RPRD2: variants seen among roughly 807,000 people sequenced by gnomAD.
RPRD2 encodes regulation of nuclear pre-mRNA domain-containing protein 2.
RPRD2 carries 12 observed loss-of-function variants against 104.4 expected under a neutral mutation model. The observed-to-expected ratio is 0.11, with a 90% CI of 0.07 to 0.19. The LOEUF is 0.19. Among genes scored for constraint, RPRD2 ranks in the 10% least tolerant of loss-of-function variants. The pLI is 1.00. For synonymous variants in RPRD2, 714 were observed against 684.9 expected, an observed-to-expected ratio of 1.04 and a Z score of -0.66; for missense variants, 1,543 against 1,790.1, an observed-to-expected ratio of 0.86 and a Z score of 2.49.
At chr1:150,376,117 A>G (rs1409517352) in intron 1 of RPRD2, among the ~76,000 whole-genome samples, 3 of 152,216 alleles carry the variant, frequency 2.0e-5, no homozygotes. Flanking sequence ...AAAATGCTTC[A>G]TTCTTATTCT....
intron 9 of RPRD2, among the ~76,000 whole-genome samples, chr1:150,462,701 G>A (rs9436115): frequency 0.31 from 47,306 of 151,852 alleles, 8,426 homozygotes; most frequent in Non-Finnish European, 0.4. Context: ...GACTACAGGT[G>A]CCTGCCACCA....
At chr1:150,409,293 C>T (rs1416841475) in intron 1 of RPRD2, among the ~76,000 whole-genome samples, 1 of 152,130 alleles carries the variant, frequency 6.6e-6, no homozygotes, top group Non-Finnish European at 1.5e-5. Flanking sequence ...CTCATTGTAC[C>T]TAGCCCCTAC....
intron 2 of RPRD2, among the ~76,000 whole-genome samples, chr1:150,439,578 A>T (rs1267225035): frequency 6.6e-6 from 1 of 151,220 alleles, no homozygotes; most frequent in Non-Finnish European, 1.5e-5. Context: ...ACATGATGTT[A>T]TGGATTCATA....
At chr1:150,420,240 C>G (rs1664667492) in intron 2 of RPRD2, among the ~76,000 whole-genome samples, 1 of 152,038 alleles carries the variant, frequency 6.6e-6, no homozygotes, top group Non-Finnish European at 1.5e-5. Flanking sequence ...TATACAGTTG[C>G]CAACCTTTTT....
intron 2 of RPRD2, among the ~76,000 whole-genome samples, chr1:150,420,561 C>G (rs1332634350): frequency 6.6e-6 from 1 of 152,210 alleles, no homozygotes; most frequent in Non-Finnish European, 1.5e-5. Context: ...TGCAGTGGCT[C>G]ATGCCTATAA....
At chr1:150,417,791 C>G in intron 2 of RPRD2, 66 bp downstream of exon 2, 2 of 1,235,036 alleles carry the variant, frequency 1.6e-6, no homozygotes, top group Admixed American at 2.6e-5. Context: ...GTTTCTTAAC[C>G]CATTAAGAAC....
chr1:150,462,899 G>A (rs1668030904), intron 9 of RPRD2, among the ~76,000 whole-genome samples: 3 of 152,100 alleles, frequency 2.0e-5, no homozygotes, highest in African/African-American at 7.2e-5. Flanking sequence ...CATCACCCAG[G>A]CTGGAGTGCA....
Position 150,474,826 on chromosome 1 carries a change from GAACT to G in RPRD2, c.*1498_*1501del, listed in dbSNP as rs1668809133. 6.6e-6 allele frequency: 1 copy of G among 152,094 alleles called. No individual in the cohort carries two copies. The allele number at this position is 152,094 out of a possible 1,614,324, so 9.4% of individuals were successfully genotyped here. A position where few individuals can be genotyped will look rare whatever the true frequency, so the allele number is the denominator to read the frequency against. On this transcript the variant is annotated 3_prime_UTR_variant, in exon 11 of 11. Coordinates refer to ENST00000369068, the MANE Select transcript of RPRD2 (RefSeq NM_015203.5). ...TCATATTTTCTTCCAAGTTAGTATA[GAACT>G]AACTATAGGAAGTATGGGGTTGCTT...
At chr1:150,376,574 C>T (rs950656557) in intron 1 of RPRD2, among the ~76,000 whole-genome samples, 1 of 151,246 alleles carries the variant, frequency 6.6e-6, no homozygotes, top group African/African-American at 2.4e-5. Context: ...CATCTCGGCT[C>T]ACTGCAAGCT....
At chr1:150,467,637 G>A (rs949846450) in intron 10 of RPRD2, among the ~76,000 whole-genome samples, 1 of 152,226 alleles carries the variant, frequency 6.6e-6, no homozygotes, top group East Asian at 1.9e-4. Context: ...ACCTCCCAAA[G>A]TGCTGGGATT....
In RPRD2 at chr1:150,473,579, A is replaced by AAAAAAAAAG. The variant is rs1668746750; in HGVS notation, c.*245_*246insAAAAAAAAG. 1 of 223,110 alleles carries AAAAAAAAAG rather than the reference A, an allele frequency of 4.5e-6. No individual in the cohort carries two copies. Among genetic ancestry groups the AAAAAAAAAG allele is most frequent in the Non-Finnish European group, 8.9e-6 (1 of 112,556 alleles). 13.8% of individuals were successfully genotyped at this position (223,110 alleles called of 1,614,324 possible). A position where few individuals can be genotyped will look rare whatever the true frequency, so the allele number is the denominator to read the frequency against. On this transcript the variant is annotated 3_prime_UTR_variant, in exon 11 of 11. Coordinates refer to ENST00000369068, the MANE Select transcript of RPRD2 (RefSeq NM_015203.5). Reference sequence around the variant, plus strand: ...ATTAAAAAAAAAAAAAAAAAAAAAAAGTAAAGAAACACAACCAAAGCCATT... The same window carrying AAAAAAAAAG: ...ATTAAAAAAAAAAAAAAAAAAAAAAAAAAAAAAAGGTAAAGAAACACAACCAAAGCCATT...
intron 2 of RPRD2, among the ~76,000 whole-genome samples, chr1:150,419,186 C>T (rs1384380230): frequency 1.3e-5 from 2 of 152,046 alleles, no homozygotes; most frequent in African/African-American, 4.8e-5. Context: ...GTGTTGCATC[C>T]ATATTTGTAA....
At position 150,471,218 on chromosome 1, in the gene RPRD2, T is replaced by C; in HGVS notation, c.2270T>C (p.Ile757Thr). ...ACTATGTCCCTGCTTTCTAAGATCA[T>C]TAGCCCTGGTTCCTCAACACCCAGC... is the stretch of plus-strand genomic sequence containing the variant. ...VDTMSLLSKI[I>T]SPGSSTPSST... Residue 757 changes from isoleucine to threonine, a missense_variant, in exon 11 of 11, where the codon ATT becomes ACT. By Grantham distance (89) the Ile-to-Thr change is moderately conservative. This residue lies in a region of RPRD2 where 572 missense variants were observed against 787.3 expected (regional missense o/e 0.73). Transcript: ENST00000369068. The surrounding 1 kb of genome is among the most constrained non-coding windows in gnomAD (Gnocchi z 5.3). 1 of 1,613,214 alleles carries C rather than the reference T, an allele frequency of 6.2e-7. No homozygotes were observed. Among genetic ancestry groups the C allele is most frequent in the Non-Finnish European group, 8.5e-7 (1 of 1,179,650 alleles).
intron 1 of RPRD2, among the ~76,000 whole-genome samples, chr1:150,370,911 A>G (rs1214082157): frequency 6.6e-6 from 1 of 152,158 alleles, no homozygotes; most frequent in Non-Finnish European, 1.5e-5. Flanking sequence ...GTATAAAAAT[A>G]GAAGGGTAAT....
intron 2 of RPRD2, among the ~76,000 whole-genome samples, chr1:150,437,150 A>C (rs986192417): frequency 6.6e-6 from 1 of 152,132 alleles, no homozygotes; most frequent in Non-Finnish European, 1.5e-5. Flanking sequence ...GAAAGGATTC[A>C]CCATTCTAGA....
At chr1:150,434,294 T>A (rs1390317596) in intron 2 of RPRD2, among the ~76,000 whole-genome samples, 6 of 152,090 alleles carry the variant, frequency 3.9e-5, no homozygotes, top group Non-Finnish European at 7.4e-5. Context: ...AGGCGGAGGT[T>A]GCAATGAGTT....
rs61817541 is a variant in RPRD2, at chr1:150,408,610, C to T, written c.206-8986C>T. On this transcript the variant is annotated intron_variant, in intron 1 of 10. Transcript: ENST00000369068. ...TAATATGGATGTACCTTTACATATA[C>T]ATTTAAATAGTGTTTTACATAATGG... Among the ~76,000 whole-genome samples the T allele has an allele frequency of 6.9e-3, 1,030 of 149,186 alleles. 3 individuals carry two copies. The highest frequency in any genetic ancestry group is 0.012 in the Admixed American group (184 of 14,972).
Position 150,460,187 on chromosome 1 carries a change from A to C in RPRD2, c.1281A>C (p.Pro427=), listed in dbSNP as rs782636504. The C allele has an allele frequency of 6.2e-7, 1 of 1,613,764 alleles. No individual in the cohort carries two copies. Among genetic ancestry groups the C allele is most frequent in the Admixed American group, 1.7e-5 (1 of 59,986 alleles). The change falls in exon 9 of 11, where the codon CCA becomes CCC. Residue 427 remains proline (P), a synonymous_variant. Coordinates refer to ENST00000369068, the MANE Select transcript of RPRD2 (RefSeq NM_015203.5). ...TPVPVTMTAT[P]PLPKPVNTSL... is the part of the protein sequence containing the mutation. Reference sequence around the variant, plus strand: ...TGCCTGTGACCATGACAGCAACTCCACCTCTTCCAAAGCCTGTGAATACTT... The same window carrying C: ...TGCCTGTGACCATGACAGCAACTCCCCCTCTTCCAAAGCCTGTGAATACTT...
At chr1:150,450,605 CAAAAAAAA>C (rs1186175962) in intron 7 of RPRD2, among the ~76,000 whole-genome samples, 6 of 50,564 alleles carry the variant, frequency 1.2e-4, no homozygotes, top group Admixed American at 2.8e-4. Flanking sequence ...GACTCCGTCT[CAAAAAAAA>C]AAAAAAAAAA....
Sources: gnomAD v4.1 joint callset for allele counts (sites outside exome capture counted in the v4.1 genomes callset) on GRCh38, gnomAD v4.1.1 for gene constraint, gnomAD v4.1.1 regional missense constraint, Gnocchi (gnomAD v3.1) non-coding constraint, MANE v1.5 for transcripts, NCBI Gene and HGNC (gene_info 2026-07-23, HGNC 2026-07-21) for gene names.